The following HPCAL1 variants were observed in gnomAD, a reference collection of about 807,000 sequenced individuals.
HPCAL1 encodes the protein hippocalcin like 1.
HPCAL1 carries 8 observed loss-of-function variants against 17.1 expected under a neutral mutation model. The ratio of observed to expected loss-of-function variants is 0.47; its 90% CI spans 0.27 to 0.84. The LOEUF (loss-of-function observed/expected upper bound fraction) is 0.84. Among genes scored for constraint, HPCAL1 ranks in the 40% least tolerant of loss-of-function variants. The probability of loss-of-function intolerance (pLI) is 0.13; values close to 1 mark genes in which losing one functional copy is unlikely to be tolerated. For missense variants in HPCAL1, 165 were observed against 271.1 expected, an observed-to-expected ratio of 0.61 and a Z score of 2.75; for synonymous variants, 112 against 111.4, an observed-to-expected ratio of 1.01 and a Z score of -0.03.
intron 1 of HPCAL1, among the ~76,000 whole-genome samples, chr2:10,379,371 C>T (rs555059933): frequency 1.3e-5 from 2 of 151,080 alleles, no homozygotes; most frequent in East Asian, 4.0e-4. Flanking sequence ...TGTGACACCC[C>T]ATGGGTGTGG....
intron 1 of HPCAL1, among the ~76,000 whole-genome samples, chr2:10,366,742 A>G (rs1259998656): frequency 6.6e-6 from 1 of 152,066 alleles, no homozygotes; most frequent in Non-Finnish European, 1.5e-5. Context: ...GGCTTCCTGC[A>G]TTGTGTGCTT....
intron 1 of HPCAL1, among the ~76,000 whole-genome samples, chr2:10,353,899 C>T (rs1665984889): frequency 6.6e-6 from 1 of 152,208 alleles, no homozygotes; most frequent in Non-Finnish European, 1.5e-5. Context: ...CACTCATTTG[C>T]TTTATGTCAT....
chr2:10,345,225 G>A (rs981701199), intron 1 of HPCAL1, among the ~76,000 whole-genome samples: 1 of 152,100 alleles, frequency 6.6e-6, no homozygotes, highest in African/African-American at 2.4e-5. Flanking sequence ...GTCTCTCTGT[G>A]TGTGTCTCTC....
At chr2:10,426,673 C>G in intron 4 of HPCAL1, 51 bp from the exon 5 acceptor site, 1 of 1,423,802 alleles carries the variant, frequency 7.0e-7, no homozygotes. Flanking sequence ...TCTCTGGAAG[C>G]ATAAAGAACA....
At chr2:10,316,425 TCTCTGTGA>T (rs1338215805) in intron 1 of HPCAL1, among the ~76,000 whole-genome samples, 1 of 152,232 alleles carries the variant, frequency 6.6e-6, no homozygotes, top group Non-Finnish European at 1.5e-5. Context: ...CTTCTTTTTC[TCTCTGTGA>T]CTCAGGCGGT....
intron 2 of HPCAL1, among the ~76,000 whole-genome samples, chr2:10,401,740 C>G (rs1211623277): frequency 6.6e-6 from 1 of 152,160 alleles, no homozygotes; most frequent in Non-Finnish European, 1.5e-5. Context: ...TAAATGGAAC[C>G]CAGCTCTCTG....
At chr2:10,399,209 C>T (rs1337216402) in intron 2 of HPCAL1, among the ~76,000 whole-genome samples, 1 of 72,068 alleles carries the variant, frequency 1.4e-5, no homozygotes, top group Non-Finnish European at 3.2e-5. Flanking sequence ...AATATCACTG[C>T]ACCACCACCA....
At position 10,409,777 on chromosome 2, in the gene HPCAL1, C is replaced by CTTTT. The variant is rs34031495; in HGVS notation, c.-24-9930_-24-9927dup. ...CTCCAGCCTCTTCCTGAGCCTCAGT[C>CTTTT]TTTTTTTTTTTTTTTTTTTTTTTTT... On this transcript the variant is annotated intron_variant, in intron 2 of 4. Transcript: ENST00000307845. 3.5e-4 allele frequency among the ~76,000 whole-genome samples: 22 copies of CTTTT among 62,524 alleles called. 2 individuals are homozygous for CTTTT. The highest frequency in any genetic ancestry group is 6.3e-4 in the African/African-American group (9 of 14,224). 41.0% of individuals were successfully genotyped at this position (62,524 alleles called of 152,430 possible).
chr2:10,413,276 C>A lies in HPCAL1; in HGVS notation c.-24-6458C>A, dbSNP rs545206172. 3.3e-5 allele frequency among the ~76,000 whole-genome samples: 5 copies of A among 152,374 alleles called. No homozygotes were observed. In the East Asian group the frequency reaches 9.6e-4, roughly 29 times the overall value. On this transcript the variant is annotated intron_variant, in intron 2 of 4. Coordinates refer to ENST00000307845, the MANE Select transcript of HPCAL1 (RefSeq NM_002149.4). Reference sequence around the variant, plus strand: ...GGCTCCTGGCTGGTGTCACTCCTCTCTGTGAGGCTTGAATTCTCTCCCTTG... The same window carrying A: ...GGCTCCTGGCTGGTGTCACTCCTCTATGTGAGGCTTGAATTCTCTCCCTTG...
rs1262836008 is a variant in HPCAL1 at position 10,344,688 on chromosome 2, A to G, written c.-111+41511A>G. On this transcript the variant is annotated intron_variant, in intron 1 of 4. Coordinates refer to ENST00000307845, the MANE Select transcript of HPCAL1 (RefSeq NM_002149.4). The surrounding 1 kb of genome is among the most constrained non-coding windows in gnomAD (Gnocchi z 4.9). ...TGCTCCCCCTTCCCTTCCTCCCAGG[A>G]CTTGCTCTGTCTCTGTCTCTTTCTC... 6.6e-6 allele frequency among the ~76,000 whole-genome samples: 1 copy of G among 151,884 alleles called. No homozygotes were observed. Among genetic ancestry groups the G allele is most frequent in the Non-Finnish European group, 1.5e-5 (1 of 67,958 alleles).
chr2:10,360,349 G>A (rs752296182), intron 1 of HPCAL1, among the ~76,000 whole-genome samples: 2 of 152,186 alleles, frequency 1.3e-5, no homozygotes, highest in Non-Finnish European at 2.9e-5. Context: ...GCTCAAATAC[G>A]GAAGATGGAG....
At chr2:10,311,472 A>G (rs1009917039) in intron 1 of HPCAL1, among the ~76,000 whole-genome samples, 15 of 152,192 alleles carry the variant, frequency 9.9e-5, no homozygotes, top group African/African-American at 3.6e-4. Context: ...GGGATAAAGA[A>G]TTGCTGCTTT....
At chr2:10,349,702 C>CAAAAAAAAAAAAAAAAAAAAAAAA (rs55897775) in intron 1 of HPCAL1, among the ~76,000 whole-genome samples, 1 of 52,730 alleles carries the variant, frequency 1.9e-5, no homozygotes, top group African/African-American at 9.7e-5. Context: ...GACTCTGTCT[C>CAAAAAAAAAAAAAAAAAAAAAAAA]AAAAAAAAAA....
chr2:10,411,391 G>C (rs1487966604), intron 2 of HPCAL1, among the ~76,000 whole-genome samples: 1 of 152,218 alleles, frequency 6.6e-6, no homozygotes, highest in Non-Finnish European at 1.5e-5. Flanking sequence ...TCTCGGCCTA[G>C]CCAGGAGTGA....
intron 1 of HPCAL1, chr2:10,303,971 C>T (rs1205567525): frequency 6.6e-6 from 1 of 152,244 alleles, no homozygotes; most frequent in Non-Finnish European, 1.5e-5. Flanking sequence ...GGATTAGCGT[C>T]TCCTGTTTAA....
chr2:10,400,605 C>T (rs993562353), intron 2 of HPCAL1, among the ~76,000 whole-genome samples: 4 of 152,192 alleles, frequency 2.6e-5, no homozygotes, highest in Non-Finnish European at 4.4e-5. Context: ...GGACAATCCT[C>T]CTGTGTTGTA....
rs1263657562 is a variant in HPCAL1, at chr2:10,362,852, G to C, written c.-110-33983G>C. The stretch of plus-strand genomic sequence containing the variant: ...TAGCACAGCTGTGGCCTGTGTTAGA[G>C]AGGGTGAGTTTGGACCATTCCTGAG... On this transcript the variant is annotated intron_variant, in intron 1 of 4. Transcript: ENST00000307845. The surrounding 1 kb of genome is among the most constrained non-coding windows in gnomAD (Gnocchi z 5.0). 1.3e-5 allele frequency among the ~76,000 whole-genome samples: 2 copies of C among 152,204 alleles called. No individual in the cohort carries two copies. The highest frequency in any genetic ancestry group is 2.9e-5 in the Non-Finnish European group (2 of 68,042).
Position 10,304,484 on chromosome 2 carries a change from C to T in HPCAL1, c.-111+1307C>T, listed in dbSNP as rs1662491845. Among the ~76,000 whole-genome samples the T allele has an allele frequency of 6.6e-6, 1 of 151,936 alleles. No homozygotes were observed. The highest frequency in any genetic ancestry group is 6.5e-5 in the Admixed American group (1 of 15,270). On this transcript the variant is annotated intron_variant, in intron 1 of 4. Transcript: ENST00000307845. This position sits in a 1 kb window ranked among gnomAD's most constrained non-coding sequence, Gnocchi z 4.1. ...GCTGCTGGCCTCGGCATTAGACAAC[C>T]CCCAGCCCCAGCCCCTGCCATCCCT... is the stretch of plus-strand genomic sequence containing the variant.
At chr2:10,356,578 G>A (rs1314534177) in intron 1 of HPCAL1, among the ~76,000 whole-genome samples, 1 of 152,114 alleles carries the variant, frequency 6.6e-6, no homozygotes. Context: ...TTAAGTAACC[G>A]GTCCTACGTA....
Sources: allele counts gnomAD v4.1 joint callset (sites outside exome capture counted in the v4.1 genomes callset), GRCh38; gene constraint gnomAD v4.1.1; non-coding constraint Gnocchi (gnomAD v3.1); transcripts MANE v1.5; gene names NCBI Gene and HGNC (gene_info 2026-07-23, HGNC 2026-07-21).